Variants in PHRF1 observed in about 807,000 individuals in gnomAD.
PHRF1 encodes PHD and RING finger domain-containing protein 1.
A neutral mutation model predicts 128.9 loss-of-function variants in PHRF1; 53 were observed. The observed-to-expected ratio is 0.41, with a 90% CI of 0.33 to 0.52. The LOEUF (loss-of-function observed/expected upper bound fraction) is 0.52. PHRF1 is among the 20% of genes least tolerant of loss of function. The pLI, the probability that PHRF1 is intolerant of heterozygous loss-of-function variation, is 0.21. For missense variants in PHRF1, 2,503 were observed against 2,284.5 expected (o/e 1.10, Z -1.95); for synonymous variants, 1,178 against 980.6 (o/e 1.20, Z -3.76).
At chr11:583,289 A>G (rs1270065105) in intron 3 of PHRF1, among the ~76,000 whole-genome samples, 2 of 152,090 alleles carry the variant, frequency 1.3e-5, no homozygotes, top group Non-Finnish European at 2.9e-5. Context: ...CAGTGAGCCA[A>G]GATCGCCACT....
rs1855314137 is a variant in PHRF1, at chr11:596,957, G to C, written c.655G>C (p.Glu219Gln). The C allele has an allele frequency of 1.2e-6, 2 of 1,613,776 alleles. No individual in the cohort carries two copies. The highest frequency in any genetic ancestry group is 3.3e-5 in the Admixed American group (2 of 59,988). Residue 219 changes from glutamate (E) to glutamine (Q), a missense_variant, in exon 7 of 18, where the codon GAG becomes CAG. By Grantham distance (29) the Glu-to-Gln change is conservative. Transcript: ENST00000264555. ...GGAATGCTTGGACCCCCCTCTCCAG[G>C]AGGTGCCGGTGGACGAGTGGTTCTG... ...HMECLDPPLQEVPVDEWFCPE... is the reference protein window; with the variant it reads ...HMECLDPPLQQVPVDEWFCPE...
At chr11:599,918 G>GT (rs1855529750) in intron 9 of PHRF1, among the ~76,000 whole-genome samples, 1 of 152,208 alleles carries the variant, frequency 6.6e-6, no homozygotes, top group Admixed American at 6.5e-5. Flanking sequence ...ACCTGTGTCT[G>GT]TGGCTGATTT....
chr11:592,318 C>G (rs770916967), intron 5 of PHRF1, among the ~76,000 whole-genome samples: 21 of 152,106 alleles, frequency 1.4e-4, no homozygotes, highest in Non-Finnish European at 2.6e-4. Context: ...AGGGCTTACC[C>G]GCTCCTTTCC....
chr11:587,572 C>T (rs1354934239), intron 4 of PHRF1, 108 bp downstream of exon 4: 18 of 1,139,142 alleles, frequency 1.6e-5, no homozygotes, highest in African/African-American at 7.7e-5. Flanking sequence ...GTCTGCTCTG[C>T]GGCTGACCCT....
Position 608,928 on chromosome 11 carries a change from C to G in PHRF1, c.3472C>G (p.Arg1158Gly). Reference protein sequence around the residue: ...RKESVAWPRDRRKRRSRSPSS... With the variant: ...RKESVAWPRDGRKRRSRSPSS... ...GGAGAGTGTGGCGTGGCCCCGAGAC[C>G]GGAGGAAGCGGAGGTCCCGGTCCCC... Residue 1158 changes from arginine (R) to glycine (G), a missense_variant, in exon 14 of 18, where the codon CGG (arginine) becomes GGG (glycine). Arg to Gly is a moderately radical substitution (Grantham distance 125, BLOSUM62 -2). Coordinates refer to ENST00000264555, the MANE Select transcript of PHRF1 (RefSeq NM_001286581.2). 1 of 1,611,412 alleles carries G rather than the reference C, an allele frequency of 6.2e-7. No homozygotes were observed. Among genetic ancestry groups the G allele is most frequent in the East Asian group, 2.2e-5 (1 of 44,780 alleles).
chr11:581,596 A>T lies in PHRF1; in HGVS notation c.84A>T (p.Ala28=). 1 of 1,612,594 alleles carries T rather than the reference A, an allele frequency of 6.2e-7. No individual in the cohort carries two copies. Among genetic ancestry groups the T allele is most frequent in the Non-Finnish European group, 8.5e-7 (1 of 1,179,536 alleles). Residue 28 remains alanine (A), a synonymous_variant, in exon 2 of 18, where the codon GCA becomes GCT. Coordinates refer to ENST00000264555, the MANE Select transcript of PHRF1 (RefSeq NM_001286581.2). ...CACAGGTCGGCCCTGCGGACCCGGC[A>T]GGTGACTTTGGTGAGCTGCCTAGCG... The part of the protein sequence containing the change: ...GHPQVGPADP[A]GDFEESSVGS...
Position 610,565 on chromosome 11 carries a change from T to C in PHRF1, c.4481T>C (p.Val1494Ala). ...QPSSIPPCAL[V>A]SQPTVQFILQ... ...TCAAGCATCCCACCCTGCGCACTGG[T>C]CAGCCAGCCCACGGTCCAGTTCATC... The change falls in exon 16 of 18, where the codon GTC becomes GCC. Residue 1494 changes from valine (V) to alanine (A), a missense_variant. Physicochemically the swap from Val to Ala is moderately conservative, Grantham distance 64 (BLOSUM62 0). Coordinates refer to ENST00000264555, the MANE Select transcript of PHRF1 (RefSeq NM_001286581.2). 1 of 1,606,186 alleles carries C rather than the reference T, an allele frequency of 6.2e-7. No homozygotes were observed.
At chr11:587,510 C>A (rs764417049) in intron 4 of PHRF1, 46 bp downstream of exon 4, 4 of 1,589,892 alleles carry the variant, frequency 2.5e-6, no homozygotes, top group Non-Finnish European at 2.6e-6. Context: ...AGGATGGCCT[C>A]CCTGTTTATA....
At chr11:594,513 G>A (rs1272040806) in intron 6 of PHRF1, among the ~76,000 whole-genome samples, 1 of 151,378 alleles carries the variant, frequency 6.6e-6, no homozygotes, top group Non-Finnish European at 1.5e-5. Flanking sequence ...TCTGCAGCGA[G>A]TCACTGCAAC....
chr11:607,784 C>T lies in PHRF1; in HGVS notation c.2328C>T (p.Ser776=). The part of the protein sequence containing the change: ...RGKGVGSTFE[S]FRINIPGNMA... Reference sequence around the variant, plus strand: ...AAGGGGTCGGGTCGACCTTTGAGAGCTTCCGGATCAATATTCCTGGAAACA... The same window carrying T: ...AAGGGGTCGGGTCGACCTTTGAGAGTTTCCGGATCAATATTCCTGGAAACA... Residue 776 remains serine, a synonymous_variant, in exon 14 of 18, where the codon AGC becomes AGT. Coordinates refer to ENST00000264555, the MANE Select transcript of PHRF1 (RefSeq NM_001286581.2). 5 of 1,612,720 alleles carry T rather than the reference C, an allele frequency of 3.1e-6. No homozygotes were observed. The highest frequency in any genetic ancestry group is 4.2e-6 in the Non-Finnish European group (5 of 1,179,876).
intron 9 of PHRF1, among the ~76,000 whole-genome samples, chr11:599,012 A>G (rs1251105680): frequency 6.6e-6 from 1 of 152,136 alleles, no homozygotes; most frequent in Admixed American, 6.5e-5. Flanking sequence ...TGAAGTGACT[A>G]ATTCTCCCTT....
intron 4 of PHRF1, among the ~76,000 whole-genome samples, chr11:589,587 G>T (rs1210474025): frequency 6.6e-6 from 1 of 152,246 alleles, no homozygotes; most frequent in African/African-American, 2.4e-5. Flanking sequence ...GGGGGCAGGA[G>T]GCGCCTGTGG....
chr11:591,520 G>A, intron 5 of PHRF1, 53 bp downstream of exon 5: 1 of 1,426,986 alleles, frequency 7.0e-7, no homozygotes, highest in Non-Finnish European at 9.6e-7. Flanking sequence ...TCCCGGCCCT[G>A]TGGGACAGAG....
chr11:602,586 AGGAGAATCACTTGAACCCTG>A (rs1220375570), intron 10 of PHRF1, among the ~76,000 whole-genome samples: 1 of 151,754 alleles, frequency 6.6e-6, no homozygotes, highest in Non-Finnish European at 1.5e-5. Context: ...AGGCTGAGGC[AGGAGAATCACTTGAACCCTG>A]GGAGGCAGAG....
intron 6 of PHRF1, among the ~76,000 whole-genome samples, chr11:595,967 C>T (rs969678376): frequency 1.1e-4 from 16 of 152,218 alleles, no homozygotes; most frequent in African/African-American, 3.4e-4. Context: ...TGCCTGTCTC[C>T]TGTCTTTCTT....
chr11:601,303 C>T (rs974154563), intron 9 of PHRF1, among the ~76,000 whole-genome samples: 1 of 151,974 alleles, frequency 6.6e-6, no homozygotes, highest in African/African-American at 2.4e-5. Flanking sequence ...GTGGTGCCTA[C>T]CTGTAGTTCC....
At chr11:589,471 A>G (rs1420394790) in intron 4 of PHRF1, among the ~76,000 whole-genome samples, 2 of 152,178 alleles carry the variant, frequency 1.3e-5, no homozygotes, top group Non-Finnish European at 2.9e-5. Flanking sequence ...TGCCTACTGG[A>G]TATTATGATT....
At chr11:582,833 G>A (rs1268407457) in intron 3 of PHRF1, among the ~76,000 whole-genome samples, 1 of 151,046 alleles carries the variant, frequency 6.6e-6, no homozygotes, top group Non-Finnish European at 1.5e-5. Flanking sequence ...CTTTTTTCAA[G>A]ACGAGCCTGG....
At chr11:605,540 C>T (rs940597194) in intron 11 of PHRF1, 65 bp from the exon 12 acceptor site, 2 of 1,591,282 alleles carry the variant, frequency 1.3e-6, no homozygotes, top group East Asian at 4.5e-5. Flanking sequence ...GTGCCGTCTC[C>T]CTGGGCTGGG....
Sources: allele counts gnomAD v4.1 joint callset (sites outside exome capture counted in the v4.1 genomes callset), GRCh38; gene constraint gnomAD v4.1.1; transcripts MANE v1.5; gene names NCBI Gene and HGNC (gene_info 2026-07-23, HGNC 2026-07-21).